Variants in DSN1 observed in about 807,000 individuals in gnomAD.
DSN1 encodes kinetochore-associated protein DSN1 homolog.
DSN1 carries 31 observed loss-of-function variants against 45.7 expected under a neutral mutation model. That is an observed-to-expected ratio of 0.68 (90% confidence interval 0.51 to 0.92). DSN1 has a LOEUF of 0.92. Among genes scored for constraint, DSN1 ranks in the 40% least tolerant of loss-of-function variants. The pLI is 0.00. For synonymous variants in DSN1, 134 were observed against 142.3 expected, an observed-to-expected ratio of 0.94 and a Z score of 0.41; for missense variants, 394 against 414.2, an observed-to-expected ratio of 0.95 and a Z score of 0.42.
At chr20:36,753,172 T>C (rs1986464444) in intron 10 of DSN1, among the ~76,000 whole-genome samples, 1 of 146,856 alleles carries the variant, frequency 6.8e-6, no homozygotes, top group Non-Finnish European at 1.5e-5. Flanking sequence ...AGTAAGACCT[T>C]GTCTCTACAA....
At chr20:36,770,353 C>T (rs564182776) in intron 3 of DSN1, among the ~76,000 whole-genome samples, 16 of 152,064 alleles carry the variant, frequency 1.1e-4, no homozygotes, top group Non-Finnish European at 2.2e-4. Flanking sequence ...CATGAGGCAC[C>T]GTGCCTGGCC....
At chr20:36,756,309 G>C (rs1283629625) in intron 8 of DSN1, among the ~76,000 whole-genome samples, 1 of 152,084 alleles carries the variant, frequency 6.6e-6, no homozygotes, top group Admixed American at 6.6e-5. Context: ...CAATTGTCTA[G>C]TATTCATGTC....
chr20:36,765,254 A>AT (rs1371506823), intron 5 of DSN1, among the ~76,000 whole-genome samples: 1 of 148,734 alleles, frequency 6.7e-6, no homozygotes, highest in African/African-American at 2.5e-5. Flanking sequence ...TGTTAAAAAA[A>AT]AAAAAAAAAA....
chr20:36,761,525 G>A (rs1009839470), intron 6 of DSN1, among the ~76,000 whole-genome samples: 1 of 151,996 alleles, frequency 6.6e-6, no homozygotes, highest in Non-Finnish European at 1.5e-5. Context: ...CTTGAGCCCA[G>A]GAGTTCTAAA....
chr20:36,763,599 G>A (rs2148272969), intron 5 of DSN1, among the ~76,000 whole-genome samples: 1 of 150,772 alleles, frequency 6.6e-6, no homozygotes, highest in Admixed American at 6.6e-5. Context: ...TAGAAAAAAA[G>A]AAAACCAGGC....
chr20:36,767,551 A>C (rs1014712929), intron 4 of DSN1, among the ~76,000 whole-genome samples: 1 of 152,080 alleles, frequency 6.6e-6, no homozygotes, highest in Admixed American at 6.6e-5. Flanking sequence ...GGACTGCCTG[A>C]GCTCAGGCAT....
intron 1 of DSN1, among the ~76,000 whole-genome samples, chr20:36,771,852 C>G (rs566142897): frequency 2.0e-5 from 3 of 152,306 alleles, no homozygotes; most frequent in East Asian, 3.9e-4. Flanking sequence ...TAAACAGTCT[C>G]TAAATCTTTT....
chr20:36,762,339 T>C (rs1045637574), intron 6 of DSN1, 122 bp downstream of exon 6: 2 of 692,284 alleles, frequency 2.9e-6, no homozygotes, highest in Admixed American at 6.3e-5. Context: ...CTTGATCTCC[T>C]GACCTCGTAA....
chr20:36,768,110 A>G, intron 3 of DSN1, 68 bp from the exon 4 acceptor site: 1 of 1,472,472 alleles, frequency 6.8e-7, no homozygotes, highest in African/African-American at 1.4e-5. Flanking sequence ...CAAAACTGAA[A>G]AATGTCCTCC....
intron 5 of DSN1, among the ~76,000 whole-genome samples, chr20:36,763,575 C>A (rs752980837): frequency 6.6e-5 from 10 of 151,690 alleles, no homozygotes; most frequent in Non-Finnish European, 1.5e-4. Context: ...CATAGTGAAA[C>A]CCCATCTCTT....
intron 10 of DSN1, among the ~76,000 whole-genome samples, chr20:36,753,809 C>T (rs917040702): frequency 6.6e-6 from 1 of 151,214 alleles, no homozygotes; most frequent in Non-Finnish European, 1.5e-5. Flanking sequence ...GAGTTCGAGA[C>T]CAGCCTGACC....
chr20:36,759,075 C>A (rs1356432598), intron 6 of DSN1, among the ~76,000 whole-genome samples: 1 of 152,060 alleles, frequency 6.6e-6, no homozygotes, highest in African/African-American at 2.4e-5. Context: ...CTCTGCCTCC[C>A]GGGTTCAAGT....
At chr20:36,773,329 T>C in intron 1 of DSN1, 1 of 975,608 alleles carries the variant, frequency 1.0e-6, no homozygotes, top group Non-Finnish European at 1.2e-6. Flanking sequence ...TGGCCCAAGC[T>C]TGTGACACAG....
At chr20:36,755,243 T>C (rs1027904299) in intron 9 of DSN1, among the ~76,000 whole-genome samples, 3 of 152,160 alleles carry the variant, frequency 2.0e-5, no homozygotes, top group Admixed American at 2.0e-4. Context: ...CCACTAACCC[T>C]TGTGGTTCTC....
intron 8 of DSN1, among the ~76,000 whole-genome samples, chr20:36,757,701 A>C (rs1986751862): frequency 6.6e-6 from 1 of 152,218 alleles, no homozygotes; most frequent in Non-Finnish European, 1.5e-5. Context: ...GTCTCCAAGA[A>C]GGCCCTGGCC....
At chr20:36,756,308 A>T (rs1986675317) in intron 8 of DSN1, among the ~76,000 whole-genome samples, 1 of 152,178 alleles carries the variant, frequency 6.6e-6, no homozygotes, top group South Asian at 2.1e-4. Flanking sequence ...ACAATTGTCT[A>T]GTATTCATGT....
At chr20:36,768,789 A>C (rs1178623291) in intron 3 of DSN1, among the ~76,000 whole-genome samples, 1 of 152,194 alleles carries the variant, frequency 6.6e-6, no homozygotes, top group Non-Finnish European at 1.5e-5. Context: ...GGAAAACTGC[A>C]GCTCTGAGGG....
At chr20:36,771,310 C>A (rs889669038) in intron 2 of DSN1, 115 bp downstream of exon 2, 2 of 1,478,570 alleles carry the variant, frequency 1.4e-6, no homozygotes, top group African/African-American at 1.4e-5. Context: ...AAGAAAGCAT[C>A]TCTGCAAATA....
chr20:36,767,497 G>A (rs954534660), intron 4 of DSN1, among the ~76,000 whole-genome samples: 1 of 152,162 alleles, frequency 6.6e-6, no homozygotes, highest in African/African-American at 2.4e-5. Context: ...TGGGCACGGT[G>A]GCTCACACCT....
Sources: allele counts gnomAD v4.1 joint callset (sites outside exome capture counted in the v4.1 genomes callset), GRCh38; gene constraint gnomAD v4.1.1; transcripts MANE v1.5; gene names NCBI Gene and HGNC (gene_info 2026-07-23, HGNC 2026-07-21).